The following BIN1 variants were observed in gnomAD, a reference collection of about 807,000 sequenced individuals.
BIN1 encodes bridging integrator 1, also known as myc box-dependent-interacting protein 1.
In BIN1, 53 loss-of-function variants were observed where a neutral mutation model predicts 82.0. The observed-to-expected ratio is 0.65, with a 90% CI of 0.52 to 0.81. BIN1 has a LOEUF of 0.81. Ranked by LOEUF, BIN1 falls within the 40% of genes least tolerant of loss-of-function variation. The pLI is 0.00. For missense variants in BIN1, 642 were observed against 784.4 expected, an observed-to-expected ratio of 0.82 and a Z score of 2.17; for synonymous variants, 302 against 328.0, an observed-to-expected ratio of 0.92 and a Z score of 0.86.
At position 127,106,866 on chromosome 2, in the gene BIN1, C is replaced by T. The variant is rs1681231010; in HGVS notation, c.78G>A (p.Gln26=). 1.2e-6 allele frequency: 2 copies of T among 1,608,812 alleles called. No individual in the cohort carries two copies. Among genetic ancestry groups the T allele is most frequent in the South Asian group, 1.1e-5 (1 of 90,108 alleles). The change falls in exon 1 of 19, where the codon CAG becomes CAA. Residue 26 remains glutamine (Q), a synonymous_variant. Transcript: ENST00000316724. ...GGGGCTCCGGCTCGCTCACCTTCTC[C>T]TGCGCGCGGGTGAGCTTCTTCTGCA... ...SNVQKKLTRA[Q]EKVLQKLGKA... is the part of the protein sequence containing the mutation.
At chr2:127,061,378 C>T (rs1194974073) in intron 10 of BIN1, among the ~76,000 whole-genome samples, 1 of 152,204 alleles carries the variant, frequency 6.6e-6, no homozygotes, top group Non-Finnish European at 1.5e-5. Context: ...AAGAAGCAGA[C>T]AGTCGCCCTG....
chr2:127,059,307 C>A lies in BIN1; in HGVS notation c.858-152G>T. The A allele has an allele frequency of 4.5e-6, 3 of 673,842 alleles. No individual in the cohort carries two copies. Among genetic ancestry groups the A allele is most frequent in the South Asian group, 2.8e-5 (1 of 35,876 alleles). The allele number at this position is 673,842 out of a possible 1,614,324, so 41.7% of individuals were successfully genotyped here. On this transcript the variant is annotated intron_variant, in intron 10 of 18. Coordinates refer to ENST00000316724, the MANE Select transcript of BIN1 (RefSeq NM_139343.3). The surrounding 1 kb of genome is among the most constrained non-coding windows in gnomAD (Gnocchi z 6.7). ...GTGTGTGTGTGTATGTGAGAGAGAG[C>A]AGGAGGGTGGGGGGAGCCAAGGGAC...
rs1411240471 is a variant in BIN1, at chr2:127,057,059, G to A, written c.1131+414C>T. Among the ~76,000 whole-genome samples, 21 of 152,238 alleles carry A rather than the reference G, an allele frequency of 1.4e-4. No homozygotes were observed. Among genetic ancestry groups the A allele is most frequent in the Admixed American group, 1.3e-3 (20 of 15,290 alleles). On this transcript the variant is annotated intron_variant, in intron 12 of 18. Coordinates refer to ENST00000316724, the MANE Select transcript of BIN1 (RefSeq NM_139343.3). The surrounding 1 kb of genome is among the most constrained non-coding windows in gnomAD (Gnocchi z 5.0). ...CTGGCCGCTGCCCCCGCCCTCGAGG[G>A]GCTGACAGCAGCTGTGGGAGCTGAA...
chr2:127,053,197 C>T (rs1342534137), intron 14 of BIN1: 17 of 642,388 alleles, frequency 2.6e-5, no homozygotes, highest in African/African-American at 3.6e-5. Flanking sequence ...CAAGCTAAAC[C>T]GAAGATCCCC....
intron 18 of BIN1, among the ~76,000 whole-genome samples, chr2:127,049,576 A>G (rs1682612955): frequency 6.6e-6 from 1 of 152,074 alleles, no homozygotes; most frequent in South Asian, 2.1e-4. Context: ...ATGGCTAAAC[A>G]TGTTCTCTGG....
In BIN1 at chr2:127,106,947, G is replaced by T; in HGVS notation, c.-4C>A. The T allele has an allele frequency of 6.2e-7, 1 of 1,610,388 alleles. No individual in the cohort carries two copies. The highest frequency in any genetic ancestry group is 8.5e-7 in the Non-Finnish European group (1 of 1,178,966). ...CTTTACTGCCCATCTCTGCCATCGCGGCGCAGGCCTCGCCCGGTGGCAGGG... is the reference window on the plus strand; with the variant it reads ...CTTTACTGCCCATCTCTGCCATCGCTGCGCAGGCCTCGCCCGGTGGCAGGG... On this transcript the variant is annotated 5_prime_UTR_variant, in exon 1 of 19. Transcript: ENST00000316724.
At chr2:127,087,864 C>A (rs1678391515) in intron 1 of BIN1, among the ~76,000 whole-genome samples, 1 of 152,242 alleles carries the variant, frequency 6.6e-6, no homozygotes, top group South Asian at 2.1e-4. Flanking sequence ...CTCCCCTCCC[C>A]TCGGGACCAT....
chr2:127,062,396 T>C (rs1016015659), intron 9 of BIN1, among the ~76,000 whole-genome samples, 199 bp from the exon 10 acceptor site: 1 of 152,228 alleles, frequency 6.6e-6, no homozygotes, highest in South Asian at 2.1e-4. Flanking sequence ...AAGTGGGCTA[T>C]ATCACTAATG....
chr2:127,083,146 C>T (rs1311027909), intron 1 of BIN1, among the ~76,000 whole-genome samples: 4 of 150,462 alleles, frequency 2.7e-5, no homozygotes, highest in South Asian at 4.2e-4. Flanking sequence ...GAGTACATGG[C>T]GCAATCATGG....
At chr2:127,074,780 G>A (rs181356771) in intron 2 of BIN1, among the ~76,000 whole-genome samples, 17 of 152,260 alleles carry the variant, frequency 1.1e-4, no homozygotes, top group Admixed American at 4.6e-4. Flanking sequence ...TCGGCCCACC[G>A]CAACCTCTGC....
At chr2:127,064,179 G>A (rs537040020) in intron 7 of BIN1, among the ~76,000 whole-genome samples, 161 bp from the exon 8 acceptor site, 1 of 152,184 alleles carries the variant, frequency 6.6e-6, no homozygotes, top group Non-Finnish European at 1.5e-5. Context: ...CCATGCTGGC[G>A]ACCTCCCCCT....
At chr2:127,077,740 T>C (rs958846337) in intron 1 of BIN1, among the ~76,000 whole-genome samples, 37 of 152,012 alleles carry the variant, frequency 2.4e-4, no homozygotes, top group African/African-American at 7.5e-4. Flanking sequence ...CCAGATGGGT[T>C]TGCAGGAGAG....
rs183557168 is a variant in BIN1, at chr2:127,102,801, T to C, written c.84+4059A>G. Among the ~76,000 whole-genome samples the C allele has an allele frequency of 6.0e-4, 91 of 152,276 alleles. 1 individual carries two copies. Among genetic ancestry groups the C allele is most frequent in the Admixed American group, 1.2e-3 (18 of 15,296 alleles). On this transcript the variant is annotated intron_variant, in intron 1 of 18. Transcript: ENST00000316724. ...CAGAAGCCTTCCCTGCAGGGTGAGATGAACCATCTACATAAGTAACTCGGG... is the reference window on the plus strand; with the variant it reads ...CAGAAGCCTTCCCTGCAGGGTGAGACGAACCATCTACATAAGTAACTCGGG...
At chr2:127,054,277 C>T (rs938724281) in intron 12 of BIN1, 6 of 509,306 alleles carry the variant, frequency 1.2e-5, no homozygotes, top group South Asian at 4.1e-5. Flanking sequence ...CCCCAGTGCC[C>T]GCCTCAAACT....
chr2:127,052,324 C>A lies in BIN1; in HGVS notation c.1302G>T (p.Glu434Asp). Residue 434 changes from glutamate (E) to aspartate (D), a missense_variant, in exon 15 of 19, where the codon GAG becomes GAT. Transcript: ENST00000316724. ...ESPAGSLPSG[E>D]PSAAEGTFAV... ...CAAAGGTGCCCTCGGCAGCGCTGGG[C>A]TCCCCGGAAGGCAGGCTGCCGGCTG... is the stretch of plus-strand genomic sequence containing the variant. 3.1e-6 allele frequency: 5 copies of A among 1,587,686 alleles called. No homozygotes were observed. The highest frequency in any genetic ancestry group is 4.3e-6 in the Non-Finnish European group (5 of 1,167,536).
At chr2:127,098,334 C>A (rs993323276) in intron 1 of BIN1, among the ~76,000 whole-genome samples, 1 of 152,152 alleles carries the variant, frequency 6.6e-6, no homozygotes, top group Non-Finnish European at 1.5e-5. Context: ...AGTCCTGTGG[C>A]GGCTGCTGCA....
At position 127,093,805 on chromosome 2, in the gene BIN1, G is replaced by A. The variant is rs1177400067; in HGVS notation, c.84+13055C>T. On this transcript the variant is annotated intron_variant, in intron 1 of 18. Coordinates refer to ENST00000316724, the MANE Select transcript of BIN1 (RefSeq NM_139343.3). This position sits in a 1 kb window ranked among gnomAD's most constrained non-coding sequence, Gnocchi z 5.7. ...AACGATACCACACGTTTCCGCCCCT[G>A]CCGCTCTCTCTGGACAATCCCCTCC... Among the ~76,000 whole-genome samples, 1 of 152,210 alleles carries A rather than the reference G, an allele frequency of 6.6e-6. No individual in the cohort carries two copies. Among genetic ancestry groups the A allele is most frequent in the Non-Finnish European group, 1.5e-5 (1 of 68,048 alleles).
Position 127,048,604 on chromosome 2 carries a change from C to A in BIN1, c.1704G>T (p.Glu568Asp). The change falls in exon 19 of 19, where the codon GAG (glutamate) becomes GAT (aspartate). Residue 568 changes from glutamate (E) to aspartate (D), a missense_variant. Transcript: ENST00000316724. ...GCTCCTTGTGCTGGTTCCAGTCGCT[C>A]TCCTTCACGCCCATGAGCCAGCCTT... ...QDEGWLMGVK[E>D]SDWNQHKELE... 1 of 1,613,424 alleles carries A rather than the reference C, an allele frequency of 6.2e-7. No individual in the cohort carries two copies. Among genetic ancestry groups the A allele is most frequent in the Non-Finnish European group, 8.5e-7 (1 of 1,180,010 alleles).
intron 1 of BIN1, among the ~76,000 whole-genome samples, chr2:127,105,987 C>T (rs1681066230): frequency 6.6e-6 from 1 of 152,244 alleles, no homozygotes; most frequent in South Asian, 2.1e-4. Context: ...GGGTGCAGAC[C>T]CCCGCCCCTC....
Sources: allele counts gnomAD v4.1 joint callset (sites outside exome capture counted in the v4.1 genomes callset), GRCh38; gene constraint gnomAD v4.1.1; non-coding constraint Gnocchi (gnomAD v3.1); transcripts MANE v1.5; gene names NCBI Gene and HGNC (gene_info 2026-07-23, HGNC 2026-07-21).